ATF1: variants seen among roughly 807,000 people sequenced by gnomAD.
The protein encoded by ATF1 is activating transcription factor 1, also known as cyclic AMP-dependent transcription factor ATF-1.
ATF1 carries 16 observed loss-of-function variants against 34.7 expected under a neutral mutation model. The ratio of observed to expected loss-of-function variants is 0.46; its 90% CI spans 0.31 to 0.70. The LOEUF (loss-of-function observed/expected upper bound fraction) is 0.70. ATF1 is among the 30% of genes least tolerant of loss of function. The pLI is 0.05. For synonymous variants in ATF1, 105 were observed against 113.1 expected (o/e 0.93, Z 0.46); for missense variants, 255 against 321.6 (o/e 0.79, Z 1.58).
chr12:50,801,799 A>T (rs1437183506), intron 3 of ATF1, among the ~76,000 whole-genome samples: 1 of 152,230 alleles, frequency 6.6e-6, no homozygotes, highest in African/African-American at 2.4e-5. Flanking sequence ...CAACAAATAC[A>T]TAGAAGGCTG....
In ATF1 at chr12:50,778,139, C is replaced by T. The variant is rs143897104; in HGVS notation, c.-6-2001C>T. Among the ~76,000 whole-genome samples the T allele has an allele frequency of 1.4e-3, 209 of 151,880 alleles. 2 individuals carry two copies. The highest frequency in any genetic ancestry group is 4.8e-3 in the African/African-American group (200 of 41,416). On this transcript the variant is annotated intron_variant, in intron 1 of 6. Coordinates refer to ENST00000262053, the MANE Select transcript of ATF1 (RefSeq NM_005171.5). ...CTATGTTGCCAGGTCTGGTCTCAAA[C>T]TCCTGGGCTCATGTTATTCTTGTGC...
chr12:50,818,091 A>C (rs779780494), intron 6 of ATF1, among the ~76,000 whole-genome samples: 1 of 151,848 alleles, frequency 6.6e-6, no homozygotes, highest in Non-Finnish European at 1.5e-5. Flanking sequence ...AATTGGCACT[A>C]TCTCTTGACT....
intron 2 of ATF1, among the ~76,000 whole-genome samples, chr12:50,791,344 T>C (rs1592183930): frequency 6.6e-6 from 1 of 151,946 alleles, no homozygotes; most frequent in Admixed American, 6.6e-5. Flanking sequence ...TCACCTGAGG[T>C]CAGGAGTTCG....
intron 2 of ATF1, chr12:50,788,236 G>T (rs763943289): frequency 1.1e-5 from 5 of 452,836 alleles, no homozygotes; most frequent in African/African-American, 1.0e-4. Context: ...AGACTGGTGT[G>T]CAGTAGTGTG....
At chr12:50,815,503 G>C (rs776054834) in intron 6 of ATF1, among the ~76,000 whole-genome samples, 1 of 151,618 alleles carries the variant, frequency 6.6e-6, no homozygotes, top group Admixed American at 6.6e-5. Flanking sequence ...CTCCCAGCTC[G>C]GCCTCCCAAG....
chr12:50,817,254 A>G (rs1941862089), intron 6 of ATF1, among the ~76,000 whole-genome samples: 1 of 152,242 alleles, frequency 6.6e-6, no homozygotes, highest in African/African-American at 2.4e-5. Flanking sequence ...CAGAATAGGT[A>G]CATATTGAGC....
chr12:50,794,954 T>A (rs1474277191), intron 2 of ATF1, among the ~76,000 whole-genome samples: 1 of 152,124 alleles, frequency 6.6e-6, no homozygotes, highest in African/African-American at 2.4e-5. Context: ...AAAAAAAAAT[T>A]GAAAACAACT....
At chr12:50,778,874 C>T (rs1435609951) in intron 1 of ATF1, among the ~76,000 whole-genome samples, 1 of 152,202 alleles carries the variant, frequency 6.6e-6, no homozygotes, top group Non-Finnish European at 1.5e-5. Context: ...AGCCACCATG[C>T]CCAGCCCAGA....
At chr12:50,773,315 C>G (rs1456802583) in intron 1 of ATF1, among the ~76,000 whole-genome samples, 1 of 152,120 alleles carries the variant, frequency 6.6e-6, no homozygotes, top group Middle Eastern at 3.4e-3. Context: ...GGTATTTCTA[C>G]CTGTAGGTCT....
chr12:50,793,722 G>C (rs1941353113), intron 2 of ATF1, among the ~76,000 whole-genome samples: 2 of 151,038 alleles, frequency 1.3e-5, no homozygotes, highest in South Asian at 4.2e-4. Flanking sequence ...ATTATTATTG[G>C]GTTATGACTA....
rs1037285976 is a variant in ATF1 at position 50,783,635 on chromosome 12, C to T, written c.93+3397C>T. 4.0e-5 allele frequency among the ~76,000 whole-genome samples: 6 copies of T among 150,648 alleles called. No individual in the cohort carries two copies. In the South Asian group the frequency reaches 8.5e-4, roughly 21 times the overall value. On this transcript the variant is annotated intron_variant, in intron 2 of 6. Transcript: ENST00000262053. ...CTGTAATCCCAGCACTTTGGGAGGC[C>T]GAGGCGGGTAGATCACGAGGGCAGG...
chr12:50,803,015 C>G (rs1443900444), intron 3 of ATF1, among the ~76,000 whole-genome samples: 12 of 151,222 alleles, frequency 7.9e-5, no homozygotes, highest in Admixed American at 7.2e-4. Flanking sequence ...AATCCCAGCA[C>G]TTTGGGAGGC....
chr12:50,806,716 C>A (rs926767074), intron 3 of ATF1, among the ~76,000 whole-genome samples: 5 of 151,872 alleles, frequency 3.3e-5, no homozygotes, highest in African/African-American at 1.2e-4. Context: ...AAAGACCATG[C>A]AGGCAGTTTG....
At chr12:50,783,518 G>A (rs1941116536) in intron 2 of ATF1, among the ~76,000 whole-genome samples, 1 of 152,178 alleles carries the variant, frequency 6.6e-6, no homozygotes, top group Non-Finnish European at 1.5e-5. Flanking sequence ...TATTTACGGT[G>A]AAGTGGAATA....
chr12:50,773,702 G>A, intron 1 of ATF1, among the ~76,000 whole-genome samples: 1 of 151,836 alleles, frequency 6.6e-6, no homozygotes, highest in Non-Finnish European at 1.5e-5. Flanking sequence ...CGATTCTCCT[G>A]CCTCAGCCTT....
intron 2 of ATF1, among the ~76,000 whole-genome samples, chr12:50,794,089 T>C (rs1367307326): frequency 2.0e-5 from 3 of 151,830 alleles, no homozygotes; most frequent in Non-Finnish European, 4.4e-5. Context: ...TAGCTGGGAC[T>C]ACAGGCGCCT....
intron 1 of ATF1, among the ~76,000 whole-genome samples, chr12:50,779,578 A>G (rs1941009412): frequency 6.7e-6 from 1 of 149,638 alleles, no homozygotes; most frequent in Non-Finnish European, 1.5e-5. Flanking sequence ...CTTTCCAGGT[A>G]ACCTTTAAAA....
rs143745510 is a variant in ATF1 at position 50,767,884 on chromosome 12, T to G, written c.-7+3577T>G. Among the ~76,000 whole-genome samples, 235 of 151,978 alleles carry G rather than the reference T, an allele frequency of 1.5e-3. 1 individual carries two copies. Among genetic ancestry groups the G allele is most frequent in the African/African-American group, 5.5e-3 (227 of 41,470 alleles). ...TAAGCTTTTGCACTTTCTTTTTTTT[T>G]TTTTTTGAGATGGAGTCTTGCTCTG... is the stretch of plus-strand genomic sequence containing the variant. On this transcript the variant is annotated intron_variant, in intron 1 of 6. Coordinates refer to ENST00000262053, the MANE Select transcript of ATF1 (RefSeq NM_005171.5).
chr12:50,772,435 T>C (rs538799648), intron 1 of ATF1, among the ~76,000 whole-genome samples: 1 of 151,560 alleles, frequency 6.6e-6, no homozygotes, highest in East Asian at 1.9e-4. Flanking sequence ...TAAGCGATTC[T>C]CCTTCCTCAG....
Sources: allele counts gnomAD v4.1 joint callset (sites outside exome capture counted in the v4.1 genomes callset), GRCh38; gene constraint gnomAD v4.1.1; transcripts MANE v1.5; gene names NCBI Gene and HGNC (gene_info 2026-07-23, HGNC 2026-07-21).